IFT172: variants seen among roughly 807,000 people sequenced by gnomAD.
IFT172 encodes intraflagellar transport protein 172 homolog.
A neutral mutation model predicts 248.9 loss-of-function variants in IFT172; 164 were observed. The observed-to-expected ratio is 0.66, with a 90% confidence interval of 0.58 to 0.75. The LOEUF is 0.75. Ranked by LOEUF, IFT172 falls within the 30% of genes least tolerant of loss-of-function variation. The pLI, the probability that IFT172 is intolerant of heterozygous loss-of-function variation, is 0.00. For synonymous variants in IFT172, 729 were observed against 791.6 expected, an observed-to-expected ratio of 0.92 and a Z score of 1.33; for missense variants, 1,950 against 2,192.4, an observed-to-expected ratio of 0.89 and a Z score of 2.21.
At chr2:27,484,075 C>T in intron 4 of IFT172, 138 bp from the exon 5 acceptor site, 1 of 1,289,286 alleles carries the variant, frequency 7.8e-7, no homozygotes, top group Non-Finnish European at 1.1e-6. Flanking sequence ...AGGAAGACAG[C>T]AGATGACCAT....
At chr2:27,473,827 G>C (rs1667771501) in intron 14 of IFT172, among the ~76,000 whole-genome samples, 1 of 151,668 alleles carries the variant, frequency 6.6e-6, no homozygotes, top group African/African-American at 2.4e-5. Context: ...TTTCCCCCGA[G>C]ACAGAGTTTC....
intron 16 of IFT172, among the ~76,000 whole-genome samples, chr2:27,466,929 C>T (rs1160887334): frequency 6.6e-6 from 1 of 151,896 alleles, no homozygotes; most frequent in Non-Finnish European, 1.5e-5. Context: ...GGTGAGAGAT[C>T]ACTTGAGCCC....
Position 27,447,529 on chromosome 2 carries a change from T to A in IFT172, c.4645A>T (p.Ser1549Cys). ...CTACATCTCACCAGCTGTTTGACAC[T>A]CTGGGCTGCAGAGCGCGTGGCATAG... ...HYYATRSAAQ[S>C]VKQLETVAAR... The change falls in exon 42 of 48, where the codon AGT (serine) becomes TGT (cysteine). Residue 1549 changes from serine to cysteine, a missense_variant. Ser to Cys is a moderately radical substitution (Grantham distance 112). This residue lies in a region of IFT172 where 620 missense variants were observed against 699.0 expected (regional missense o/e 0.89). Transcript: ENST00000260570. The A allele has an allele frequency of 6.2e-7, 1 of 1,614,094 alleles. No individual in the cohort carries two copies.
chr2:27,475,403 A>C (rs1313892345), intron 14 of IFT172: 1 of 152,234 alleles, frequency 6.6e-6, no homozygotes, highest in African/African-American at 2.4e-5. Flanking sequence ...GGAGGATATA[A>C]AATGATTCAA....
In IFT172 at chr2:27,472,655, A is replaced by C. The variant is rs551279512; in HGVS notation, c.1412-293T>G. 2.0e-5 allele frequency among the ~76,000 whole-genome samples: 3 copies of C among 152,338 alleles called. No homozygotes were observed. The South Asian group carries it at 6.2e-4, about 32-fold the overall frequency. On this transcript the variant is annotated intron_variant, in intron 14 of 47. Transcript: ENST00000260570. Reference sequence around the variant, plus strand: ...AGCACATTAAAGATAAGCCTGATACAATACAGCAGTGAGACAAGGCTGATG... The same window carrying C: ...AGCACATTAAAGATAAGCCTGATACCATACAGCAGTGAGACAAGGCTGATG...
chr2:27,473,992 G>A (rs577634966), intron 14 of IFT172, among the ~76,000 whole-genome samples: 1 of 152,182 alleles, frequency 6.6e-6, no homozygotes, highest in South Asian at 2.1e-4. Flanking sequence ...ATTTTTAGTA[G>A]AGATGGGGTT....
At position 27,459,716 on chromosome 2, in the gene IFT172, C is replaced by T. The variant is rs1186631165; in HGVS notation, c.2635G>A (p.Glu879Lys). ...ATTCCCATACTCCCATACCTGGCTT[C>T]GATGTAGTGATTAATGGCTGCATCA... ...QLDAAINHYI[E>K]ARCSIKAIEA... Residue 879 changes from glutamate to lysine, a missense_variant, in exon 24 of 48, where the codon GAA becomes AAA. By Grantham distance (56) the Glu-to-Lys change is moderately conservative. This residue lies in a region of IFT172 where 1,166 missense variants were observed against 1,254.1 expected (regional missense o/e 0.93). Coordinates refer to ENST00000260570, the MANE Select transcript of IFT172 (RefSeq NM_015662.3). 2.5e-6 allele frequency: 4 copies of T among 1,612,394 alleles called. No homozygotes were observed. Among genetic ancestry groups the T allele is most frequent in the Non-Finnish European group, 3.4e-6 (4 of 1,180,016 alleles).
chr2:27,449,737 C>T lies in IFT172; in HGVS notation c.4114G>A (p.Glu1372Lys). The change falls in exon 37 of 48, where the codon GAG (glutamate) becomes AAG (lysine). Residue 1372 changes from glutamate (E) to lysine (K), a missense_variant. Physicochemically the swap from Glu to Lys is moderately conservative, Grantham distance 56. Transcript: ENST00000260570. ...KEAIDAFIEG[E>K]EWNKAKRVAK... ...ACACGCTTCGCCTTGTTCCACTCCTCACCCTCGATGAAAGCATCGATTGCT... is the reference window on the plus strand; with the variant it reads ...ACACGCTTCGCCTTGTTCCACTCCTTACCCTCGATGAAAGCATCGATTGCT... 2.5e-6 allele frequency: 4 copies of T among 1,614,124 alleles called. No homozygotes were observed. The highest frequency in any genetic ancestry group is 3.4e-6 in the Non-Finnish European group (4 of 1,179,978).
chr2:27,454,337 T>A lies in IFT172; in HGVS notation c.3530+17A>T. 6.2e-7 allele frequency: 1 copy of A among 1,614,042 alleles called. No homozygotes were observed. The highest frequency in any genetic ancestry group is 8.5e-7 in the Non-Finnish European group (1 of 1,179,936). ...TGACTGGGGAAACAGTATTAAGGAA[T>A]GTATGGGGTAACTCACATGAGGACT... On this transcript the variant is annotated intron_variant, in intron 32 of 47. Coordinates refer to ENST00000260570, the MANE Select transcript of IFT172 (RefSeq NM_015662.3). The surrounding 1 kb of genome is among the most constrained non-coding windows in gnomAD (Gnocchi z 4.2).
At chr2:27,481,976 G>A (rs1216572971) in intron 7 of IFT172, among the ~76,000 whole-genome samples, 4 of 150,826 alleles carry the variant, frequency 2.7e-5, no homozygotes, top group East Asian at 2.0e-4. Context: ...AGTATTATAC[G>A]AATAATTCTT....
chr2:27,452,159 T>C (rs1665735809), intron 35 of IFT172, among the ~76,000 whole-genome samples: 2 of 152,176 alleles, frequency 1.3e-5, no homozygotes, highest in Admixed American at 6.5e-5. Flanking sequence ...CTACTGTGGA[T>C]AGACCTCATC....
chr2:27,483,204 A>G (rs1421261468), intron 7 of IFT172, 85 bp downstream of exon 7: 7 of 801,884 alleles, frequency 8.7e-6, no homozygotes, highest in Non-Finnish European at 1.5e-5. Flanking sequence ...TTTGGTAGAG[A>G]CAGGGTTTCA....
chr2:27,478,118 C>G lies in IFT172; in HGVS notation c.1044G>C (p.Val348=). 6.2e-7 allele frequency: 1 copy of G among 1,614,154 alleles called. No homozygotes were observed. Among genetic ancestry groups the G allele is most frequent in the Non-Finnish European group, 8.5e-7 (1 of 1,180,018 alleles). ...CCTCATAGCCATAGTGTGACTTGAG[C>G]ACCACTCGGGTTCCTGATGACAGGT... ...VKNLSSGTRV[V]LKSHYGYEVE... is the part of the protein sequence containing the mutation. Residue 348 remains valine (V), a synonymous_variant, in exon 11 of 48, where the codon GTG becomes GTC. Coordinates refer to ENST00000260570, the MANE Select transcript of IFT172 (RefSeq NM_015662.3).
intron 25 of IFT172, 171 bp downstream of exon 25, chr2:27,459,207 A>G (rs912298390): frequency 1.2e-5 from 10 of 800,250 alleles, no homozygotes; most frequent in Non-Finnish European, 1.9e-5. Context: ...TCTGTGTCAC[A>G]CTGGAATGAA....
At chr2:27,474,316 CAT>C (rs1289339137) in intron 14 of IFT172, among the ~76,000 whole-genome samples, 2 of 152,026 alleles carry the variant, frequency 1.3e-5, no homozygotes, top group Non-Finnish European at 2.9e-5. Context: ...AGAATGGACT[CAT>C]GTATATGGAA....
chr2:27,456,452 T>C, intron 30 of IFT172, 59 bp downstream of exon 30: 1 of 1,554,810 alleles, frequency 6.4e-7, no homozygotes, highest in Non-Finnish European at 8.7e-7. Flanking sequence ...CAATTTTCTT[T>C]CTCTAGATAG....
Position 27,481,369 on chromosome 2 carries a change from C to A in IFT172, c.571-109G>T, listed in dbSNP as rs147187514. The A allele has an allele frequency of 1.8e-5, 14 of 797,276 alleles. No homozygotes were observed. In the East Asian group the frequency reaches 3.8e-4, roughly 21 times the overall value. The allele number at this position is 797,276 out of a possible 1,614,324, so 49.4% of individuals were successfully genotyped here. A position where few individuals can be genotyped will look rare whatever the true frequency, so the allele number is the denominator to read the frequency against. On this transcript the variant is annotated intron_variant, in intron 7 of 47. Coordinates refer to ENST00000260570, the MANE Select transcript of IFT172 (RefSeq NM_015662.3). ...TCTGACCATCATACCCTGCAGAAAT[C>A]TCTTCCAACATTTCCCTATCCCAAC... is the stretch of plus-strand genomic sequence containing the variant.
intron 42 of IFT172, among the ~76,000 whole-genome samples, chr2:27,446,675 G>A (rs1665136571): frequency 7.4e-6 from 1 of 135,828 alleles, no homozygotes; most frequent in South Asian, 2.4e-4. Context: ...TACCATGCCT[G>A]GCTAATTTTT....
At position 27,465,752 on chromosome 2, in the gene IFT172, T is replaced by C; in HGVS notation, c.1823A>G (p.Tyr608Cys). The change falls in exon 17 of 48, where the codon TAC becomes TGC. Residue 608 changes from tyrosine to cysteine, a missense_variant. Physicochemically the swap from Tyr to Cys is radical, Grantham distance 194. Around this residue, in one of 3 missense-constraint regions of IFT172, gnomAD observed 1,166 missense variants for 1,254.1 expected, o/e 0.93. Transcript: ENST00000260570. ...TTATTGGCCAGCCTCTCACCGGATG[T>C]AGTTGCCATCATCAATGGCTGTTCC... ...EFGTAIDDGN[Y>C]IRATAFLETL... is the part of the protein sequence containing the mutation. 6.2e-7 allele frequency: 1 copy of C among 1,614,142 alleles called. No homozygotes were observed. Among genetic ancestry groups the C allele is most frequent in the African/African-American group, 1.3e-5 (1 of 75,026 alleles).
Sources: allele counts gnomAD v4.1 joint callset (sites outside exome capture counted in the v4.1 genomes callset), GRCh38; gene constraint gnomAD v4.1.1; regional missense constraint gnomAD v4.1.1; non-coding constraint Gnocchi (gnomAD v3.1); transcripts MANE v1.5; gene names NCBI Gene and HGNC (gene_info 2026-07-23, HGNC 2026-07-21).